SLC4A4: variants seen among roughly 807,000 people sequenced by gnomAD.
The protein encoded by SLC4A4 is electrogenic sodium bicarbonate cotransporter 1.
Under a neutral mutation model 111.5 loss-of-function variants are expected in SLC4A4, and 27 were observed. The ratio of observed to expected loss-of-function variants is 0.24; its 90% CI spans 0.18 to 0.33. The LOEUF is 0.33. Ranked by LOEUF, SLC4A4 falls within the 10% of genes least tolerant of loss-of-function variation. The probability of loss-of-function intolerance (pLI) is 1.00; values close to 1 mark genes in which losing one functional copy is unlikely to be tolerated. For missense variants in SLC4A4, 909 were observed against 1,315.5 expected (o/e 0.69, Z 4.78); for synonymous variants, 443 against 463.4 (o/e 0.96, Z 0.57).
At chr4:71,247,552 C>CATTT (rs1432781915) in intron 2 of SLC4A4, among the ~76,000 whole-genome samples, 1 of 152,028 alleles carries the variant, frequency 6.6e-6, no homozygotes, top group Non-Finnish European at 1.5e-5. Flanking sequence ...TGAACGTGTG[C>CATTT]ATTTATGTGT....
chr4:71,373,990 T>C (rs1456183267), intron 6 of SLC4A4, among the ~76,000 whole-genome samples: 2 of 152,202 alleles, frequency 1.3e-5, no homozygotes. Flanking sequence ...TCTGCTCCCA[T>C]CATACGTGTT....
At chr4:71,444,650 A>G (rs1725064233) in intron 8 of SLC4A4, among the ~76,000 whole-genome samples, 1 of 152,232 alleles carries the variant, frequency 6.6e-6, no homozygotes, top group African/African-American at 2.4e-5. Flanking sequence ...GGCAGGATGT[A>G]CTTCAATCAT....
At chr4:71,431,666 A>G (rs1723656206) in intron 7 of SLC4A4, among the ~76,000 whole-genome samples, 1 of 151,878 alleles carries the variant, frequency 6.6e-6, no homozygotes, top group Non-Finnish European at 1.5e-5. Flanking sequence ...GGCACCACAC[A>G]TTTTTATTTT....
At chr4:71,543,239 G>A (rs559174359) in intron 18 of SLC4A4, among the ~76,000 whole-genome samples, 7 of 152,240 alleles carry the variant, frequency 4.6e-5, no homozygotes, top group Non-Finnish European at 8.8e-5. Flanking sequence ...ACAAAAGGAG[G>A]TACCTGGTGA....
chr4:71,132,918 T>G (rs1743745927), intron 2 of SLC4A4, among the ~76,000 whole-genome samples: 1 of 152,196 alleles, frequency 6.6e-6, no homozygotes, highest in Non-Finnish European at 1.5e-5. Context: ...CAGAGACAGC[T>G]AAAGGCCACT....
At position 71,093,625 on chromosome 4, in the gene SLC4A4, T is replaced by C. The variant is rs190864301; in HGVS notation, c.-2+833T>C. Among the ~76,000 whole-genome samples the C allele has an allele frequency of 5.5e-4, 84 of 152,318 alleles. 3 individuals carry two copies. Among genetic ancestry groups the C allele is most frequent in the African/African-American group, 2.0e-3 (82 of 41,580 alleles). ...GCTTCAGCAATTTAAACTCCCAGAGTTCTTCTTGTGATACTGGTGGGTACT... is the reference window on the plus strand; with the variant it reads ...GCTTCAGCAATTTAAACTCCCAGAGCTCTTCTTGTGATACTGGTGGGTACT... On this transcript the variant is annotated intron_variant, in intron 2 of 26. Coordinates refer to the SLC4A4 transcript ENST00000649996.
chr4:71,490,666 T>C (rs1729816631), intron 15 of SLC4A4, among the ~76,000 whole-genome samples: 1 of 151,740 alleles, frequency 6.6e-6, no homozygotes, highest in Non-Finnish European at 1.5e-5. Flanking sequence ...GCTCCATGTA[T>C]CTAAGGGGGA....
chr4:71,447,014 G>T (rs1284492054), intron 8 of SLC4A4, among the ~76,000 whole-genome samples: 1 of 152,210 alleles, frequency 6.6e-6, no homozygotes, highest in African/African-American at 2.4e-5. Flanking sequence ...AAGAAAAAAT[G>T]TTGGTAAATG....
At chr4:71,281,765 A>G (rs967306166) in intron 3 of SLC4A4, among the ~76,000 whole-genome samples, 2 of 152,238 alleles carry the variant, frequency 1.3e-5, no homozygotes, top group Non-Finnish European at 2.9e-5. Context: ...GGTTATTGGC[A>G]GATTCTTCCT....
At chr4:71,444,200 T>C (rs768151148) in intron 8 of SLC4A4, among the ~76,000 whole-genome samples, 6 of 152,228 alleles carry the variant, frequency 3.9e-5, no homozygotes, top group Non-Finnish European at 7.3e-5. Context: ...TTTCTCATAT[T>C]ATGCTCTGTT....
At chr4:71,203,110 A>G (rs1018298178) in intron 1 of SLC4A4, among the ~76,000 whole-genome samples, 7 of 152,064 alleles carry the variant, frequency 4.6e-5, no homozygotes, top group Admixed American at 4.6e-4. Context: ...AGACTACTAG[A>G]TGTGTAAAAA....
intron 18 of SLC4A4, among the ~76,000 whole-genome samples, chr4:71,537,450 T>C (rs72651804): frequency 6.8e-6 from 1 of 147,272 alleles, no homozygotes; most frequent in Non-Finnish European, 1.5e-5. Context: ...TGTGTATATA[T>C]AGAGAGAGAG....
In SLC4A4 at chr4:71,158,097, CTGTGTGTGTG is replaced by C. The variant is rs139897656; in HGVS notation, c.-2+65341_-2+65350del. 1.6e-3 allele frequency among the ~76,000 whole-genome samples: 221 copies of C among 137,166 alleles called. 1 individual carries two copies. The highest frequency in any genetic ancestry group is 4.2e-3 in the African/African-American group (149 of 35,200). The allele number at this position is 137,166 out of a possible 152,430, so 90.0% of individuals were successfully genotyped here. On this transcript the variant is annotated intron_variant, in intron 2 of 26. Coordinates refer to the SLC4A4 transcript ENST00000649996. ...ATGTCAGGCAAACACATCCTTGACT[CTGTGTGTGTG>C]TGTGTGTGTGTGTGTGTGTGTGTGT... is the stretch of plus-strand genomic sequence containing the variant.
At chr4:71,220,540 C>T (rs533448066) in intron 1 of SLC4A4, among the ~76,000 whole-genome samples, 3 of 151,938 alleles carry the variant, frequency 2.0e-5, no homozygotes, top group Non-Finnish European at 4.4e-5. Flanking sequence ...TCCTTAGTAC[C>T]GTCTAATACC....
At chr4:71,239,860 G>A (rs1720071693) in intron 2 of SLC4A4, among the ~76,000 whole-genome samples, 1 of 152,064 alleles carries the variant, frequency 6.6e-6, no homozygotes, top group African/African-American at 2.4e-5. Flanking sequence ...GAGGAGAGGG[G>A]TTACTGTGGA....
intron 19 of SLC4A4, among the ~76,000 whole-genome samples, chr4:71,546,890 A>T (rs895307953): frequency 1.3e-5 from 2 of 151,998 alleles, no homozygotes; most frequent in African/African-American, 4.8e-5. Context: ...AAGATTCTGT[A>T]ATGGGAAAGG....
At chr4:71,144,365 T>C (rs901987093) in intron 2 of SLC4A4, among the ~76,000 whole-genome samples, 3 of 152,376 alleles carry the variant, frequency 2.0e-5, no homozygotes, top group African/African-American at 7.2e-5. Flanking sequence ...TAGTATAGTT[T>C]GAAGTCAGTT....
At chr4:71,140,624 C>T (rs1196574493) in intron 2 of SLC4A4, among the ~76,000 whole-genome samples, 1 of 152,178 alleles carries the variant, frequency 6.6e-6, no homozygotes, top group East Asian at 1.9e-4. Flanking sequence ...CAGCCTGCCT[C>T]ATCTCATTAA....
intron 3 of SLC4A4, among the ~76,000 whole-genome samples, chr4:71,297,788 A>AT (rs1174430235): frequency 6.6e-6 from 1 of 151,950 alleles, no homozygotes; most frequent in East Asian, 1.9e-4. Flanking sequence ...GGGTTTCACC[A>AT]TGTTGATTGG....
Sources: gnomAD v4.1 joint callset for allele counts (sites outside exome capture counted in the v4.1 genomes callset) on GRCh38, gnomAD v4.1.1 for gene constraint, MANE v1.5 for transcripts, NCBI Gene and HGNC (gene_info 2026-07-23, HGNC 2026-07-21) for gene names.